FCRLA: variants seen among roughly 807,000 people sequenced by gnomAD.
The protein encoded by FCRLA is Fc receptor like A.
Under a neutral mutation model 28.4 loss-of-function variants are expected in FCRLA, and 26 were observed. The observed-to-expected ratio is 0.91, with a 90% CI of 0.67 to 1.27. The LOEUF is 1.27. Ranked by LOEUF, FCRLA falls within the 50% of genes most tolerant of loss-of-function variation. The probability of loss-of-function intolerance (pLI) is 0.00; values close to 1 mark genes in which losing one functional copy is unlikely to be tolerated. For synonymous variants in FCRLA, 174 were observed against 168.5 expected, an observed-to-expected ratio of 1.03 and a Z score of -0.25; for missense variants, 422 against 433.1, an observed-to-expected ratio of 0.97 and a Z score of 0.23.
rs192483941 is a variant in FCRLA, at chr1:161,711,629, A to T, written c.499+155A>T. 2.5e-5 allele frequency: 24 copies of T among 972,790 alleles called. 1 individual carries two copies. The Admixed American group carries it at 6.5e-4, about 26-fold the overall frequency. The allele number at this position is 972,790 out of a possible 1,614,324, so 60.3% of individuals were successfully genotyped here. Reference sequence around the variant, plus strand: ...CAAGTTGGGCTTCGAAAGGGACGAGACCTCAGCCTTTTGAAGTCATCCAGC... The same window carrying T: ...CAAGTTGGGCTTCGAAAGGGACGAGTCCTCAGCCTTTTGAAGTCATCCAGC... On this transcript the variant is annotated intron_variant, in intron 3 of 4. Transcript: ENST00000236938.
intron 1 of FCRLA, among the ~76,000 whole-genome samples, chr1:161,707,585 CT>C (rs1242988044): frequency 6.6e-6 from 1 of 152,224 alleles, no homozygotes; most frequent in Non-Finnish European, 1.5e-5. Flanking sequence ...AATCTCAACT[CT>C]TTTCTTTCAC....
In FCRLA at chr1:161,710,924, G is replaced by A. The variant is rs977505768; in HGVS notation, c.232+12G>A. ...GATTGTGTCCTATGGTGAGGTCCTG[G>A]GAAGGCCTGAGCAGTGCCCCAAACC... On this transcript the variant is annotated intron_variant, in intron 2 of 4. Coordinates refer to ENST00000236938, the MANE Select transcript of FCRLA (RefSeq NM_032738.4). 6.2e-7 allele frequency: 1 copy of A among 1,612,386 alleles called. No homozygotes were observed. The highest frequency in any genetic ancestry group is 1.7e-5 in the Admixed American group (1 of 60,018).
chr1:161,708,046 C>T (rs1308178990), intron 1 of FCRLA, among the ~76,000 whole-genome samples: 1 of 152,132 alleles, frequency 6.6e-6, no homozygotes, highest in Non-Finnish European at 1.5e-5. Context: ...ATCATATCCC[C>T]AACCCTAACC....
intron 1 of FCRLA, among the ~76,000 whole-genome samples, chr1:161,708,946 T>G (rs1682963130): frequency 6.6e-6 from 1 of 152,234 alleles, no homozygotes; most frequent in Non-Finnish European, 1.5e-5. Flanking sequence ...TGATAAGAAC[T>G]GCAGACTTGG....
chr1:161,711,099 G>T, intron 2 of FCRLA, 109 bp from the exon 3 acceptor site: 1 of 1,484,122 alleles, frequency 6.7e-7, no homozygotes, highest in Non-Finnish European at 9.1e-7. Context: ...CCCAACCAGG[G>T]GTGAGAGTTT....
At position 161,707,293 on chromosome 1, in the gene FCRLA, G is replaced by C; in HGVS notation, c.29G>C (p.Trp10Ser). 1 of 1,613,642 alleles carries C rather than the reference G, an allele frequency of 6.2e-7. No individual in the cohort carries two copies. Among genetic ancestry groups the C allele is most frequent in the East Asian group, 2.2e-5 (1 of 44,878 alleles). Residue 10 changes from tryptophan (W) to serine (S), a missense_variant, in exon 1 of 5, where the codon TGG becomes TCG. Physicochemically the swap from Trp to Ser is radical, Grantham distance 177 (BLOSUM62 -3). Around this residue, in one of 3 missense-constraint regions of FCRLA, gnomAD observed 231 missense variants for 214.6 expected, o/e 1.08. Transcript: ENST00000236938. Reference protein sequence around the residue: MKLGCVLMAWALYLSLGVLW... With the variant: MKLGCVLMASALYLSLGVLW... ...AAGCTGGGCTGTGTCCTCATGGCCT[G>C]GGCCCTCTACCTTTCCCTTGGTGTG... is the stretch of plus-strand genomic sequence containing the variant.
chr1:161,712,873 A>G (rs569020396), intron 4 of FCRLA, among the ~76,000 whole-genome samples: 8 of 152,362 alleles, frequency 5.3e-5, no homozygotes, highest in African/African-American at 1.7e-4. Context: ...ATAGCTGTCC[A>G]GTGGTGAAGC....
intron 1 of FCRLA, 85 bp from the exon 2 acceptor site, chr1:161,710,675 T>G: frequency 6.4e-7 from 1 of 1,565,054 alleles, no homozygotes; most frequent in African/African-American, 1.4e-5. Flanking sequence ...AAAGGATGAT[T>G]ATCCTGGGAG....
At chr1:161,711,802 T>C (rs1683114857) in intron 3 of FCRLA, 132 bp from the exon 4 acceptor site, 2 of 1,130,454 alleles carry the variant, frequency 1.8e-6, no homozygotes, top group Non-Finnish European at 2.5e-6. Context: ...CAGATTCAAA[T>C]GGAATCTAAG....
chr1:161,712,260 T>C (rs112236748), intron 4 of FCRLA, 42 bp downstream of exon 4: 4 of 1,580,090 alleles, frequency 2.5e-6, no homozygotes, highest in African/African-American at 2.7e-5. Flanking sequence ...TTGGCATGCG[T>C]GTGAGTGAAA....
At position 161,710,905 on chromosome 1, in the gene FCRLA, G is replaced by A; in HGVS notation, c.225G>A (p.Val75=). Residue 75 remains valine, a synonymous_variant, in exon 2 of 5, where the codon GTG becomes GTA. Transcript: ENST00000236938. ...YTFSEPFHLI[V]SYDWLILQGP... ...TCAGTGAACCCTTCCACCTGATTGT[G>A]TCCTATGGTGAGGTCCTGGGAAGGC... The A allele has an allele frequency of 6.2e-7, 1 of 1,612,918 alleles. No individual in the cohort carries two copies. The highest frequency in any genetic ancestry group is 8.5e-7 in the Non-Finnish European group (1 of 1,179,988).
At chr1:161,710,190 G>C in intron 1 of FCRLA, 1 of 483,064 alleles carries the variant, frequency 2.1e-6, no homozygotes, top group Non-Finnish European at 3.8e-6. Context: ...AAAGAACATT[G>C]ATTTTGGACT....
At chr1:161,711,503 C>A in intron 3 of FCRLA, 29 bp downstream of exon 3, 1 of 1,595,666 alleles carries the variant, frequency 6.3e-7, no homozygotes, top group Admixed American at 1.7e-5. Flanking sequence ...ATTGTCATGG[C>A]AGGGGAGGGT....
chr1:161,710,815 C>T lies in FCRLA; in HGVS notation c.135C>T (p.Ser45=). The T allele has an allele frequency of 1.2e-6, 2 of 1,614,112 alleles. No individual in the cohort carries two copies. Among genetic ancestry groups the T allele is most frequent in the South Asian group, 2.2e-5 (2 of 91,068 alleles). ...GACCTGTCTGCACTGAGGAGAGCAG[C>T]TGCCACACGGAGGATGACTTGACTG... ...CEGPVCTEES[S]CHTEDDLTDA... Residue 45 remains serine, a synonymous_variant, in exon 2 of 5, where the codon AGC becomes AGT. Coordinates refer to ENST00000236938, the MANE Select transcript of FCRLA (RefSeq NM_032738.4).
At chr1:161,712,763 A>G (rs571127692) in intron 4 of FCRLA, among the ~76,000 whole-genome samples, 1 of 152,340 alleles carries the variant, frequency 6.6e-6, no homozygotes, top group Non-Finnish European at 1.5e-5. Context: ...AATTGGACTA[A>G]TGTCTTATAT....
At position 161,712,237 on chromosome 1, in the gene FCRLA, G is replaced by GC; in HGVS notation, c.784+20dup. The stretch of plus-strand genomic sequence containing the variant: ...GTGCAGGGTGAGTTCGCATCAGAGT[G>GC]CAGGTTGTCTGTTTGGCATGCGTGT... On this transcript the variant is annotated intron_variant, in intron 4 of 4. Coordinates refer to ENST00000236938, the MANE Select transcript of FCRLA (RefSeq NM_032738.4). The GC allele has an allele frequency of 1.3e-6, 2 of 1,599,828 alleles. No homozygotes were observed. Among genetic ancestry groups the GC allele is most frequent in the Non-Finnish European group, 1.7e-6 (2 of 1,171,594 alleles).
intron 1 of FCRLA, 163 bp from the exon 2 acceptor site, chr1:161,710,597 C>T (rs1489739987): frequency 7.0e-7 from 1 of 1,420,026 alleles, no homozygotes; most frequent in African/African-American, 1.4e-5. Flanking sequence ...AAACTATCCC[C>T]CTGAGACACT....
At position 161,711,350 on chromosome 1, in the gene FCRLA, CAG is replaced by C. The variant is rs1557921456; in HGVS notation, c.376_377del (p.Arg126GlyfsTer55). On this transcript the variant is annotated frameshift_variant, in exon 3 of 5. Coordinates refer to ENST00000236938, the MANE Select transcript of FCRLA (RefSeq NM_032738.4). LOFTEE classifies it high-confidence loss of function. ...CAGCTCTGGGTCCCCCCGGGCCTAA[CAG>C]GGAATTCTCCATCACCGTGGTACAA... ...GSALGPPGPN[R>X]EFSITVVQKA... 1 of 1,614,224 alleles carries C rather than the reference CAG, an allele frequency of 6.2e-7. No individual in the cohort carries two copies. Among genetic ancestry groups the C allele is most frequent in the African/African-American group, 1.3e-5 (1 of 75,066 alleles).
chr1:161,707,291 CT>C lies in FCRLA; in HGVS notation c.28del (p.Trp10GlyfsTer43). 1 of 1,613,846 alleles carries C rather than the reference CT, an allele frequency of 6.2e-7. No homozygotes were observed. Among genetic ancestry groups the C allele is most frequent in the Non-Finnish European group, 8.5e-7 (1 of 1,179,894 alleles). Reference sequence around the variant, plus strand: ...TGAAGCTGGGCTGTGTCCTCATGGCCTGGGCCCTCTACCTTTCCCTTGGTGT... The same window carrying C: ...TGAAGCTGGGCTGTGTCCTCATGGCCGGGCCCTCTACCTTTCCCTTGGTGT... MKLGCVLMA[W>X]ALYLSLGVLW... is the part of the protein sequence containing the mutation. On this transcript the variant is annotated frameshift_variant, in exon 1 of 5. Transcript: ENST00000236938. LOFTEE classifies it high-confidence loss of function.
Sources: gnomAD v4.1 joint callset for allele counts (sites outside exome capture counted in the v4.1 genomes callset) on GRCh38, gnomAD v4.1.1 for gene constraint, gnomAD v4.1.1 regional missense constraint, MANE v1.5 for transcripts, NCBI Gene and HGNC (gene_info 2026-07-23, HGNC 2026-07-21) for gene names.